The following MEF2C variants were observed in gnomAD, a reference collection of about 807,000 sequenced individuals.
The protein encoded by MEF2C is myocyte-specific enhancer factor 2C.
In MEF2C, 6 loss-of-function variants were observed where a neutral mutation model predicts 50.5. The observed-to-expected ratio is 0.12, with a 90% CI of 0.07 to 0.23. MEF2C has a LOEUF of 0.23. Ranked by LOEUF, MEF2C falls within the 10% of genes least tolerant of loss-of-function variation. The pLI is 1.00. For missense variants in MEF2C, 276 were observed against 605.0 expected (o/e 0.46, Z 5.70); for synonymous variants, 183 against 228.0 (o/e 0.80, Z 1.78).
chr5:88,779,977 T>C (rs181968146), intron 3 of MEF2C, among the ~76,000 whole-genome samples: 35 of 152,030 alleles, frequency 2.3e-4, no homozygotes, highest in Non-Finnish European at 4.4e-4. Context: ...AAACCCCCTC[T>C]CTACTAAAAA....
chr5:88,737,936 C>T, intron 6 of MEF2C: 3 of 985,220 alleles, frequency 3.0e-6, no homozygotes, highest in Non-Finnish European at 3.6e-6. Flanking sequence ...AGGAAAGGAA[C>T]AATGATGGCA....
chr5:88,816,960 A>G (rs540204850), intron 2 of MEF2C, among the ~76,000 whole-genome samples: 16 of 152,014 alleles, frequency 1.1e-4, no homozygotes, highest in African/African-American at 3.9e-4. Flanking sequence ...ATACTTCTTG[A>G]TTAACAAGTA....
At chr5:88,899,596 TTAACTC>T (rs1306561115) in intron 1 of MEF2C, among the ~76,000 whole-genome samples, 7 of 152,150 alleles carry the variant, frequency 4.6e-5, no homozygotes, top group African/African-American at 1.2e-4. Flanking sequence ...AGAACACTCT[TTAACTC>T]TAATGAGGAA....
At chr5:88,733,969 A>G in intron 6 of MEF2C, 20 of 985,344 alleles carry the variant, frequency 2.0e-5, no homozygotes, top group Non-Finnish European at 2.3e-5. Flanking sequence ...GTAAATTCGA[A>G]CAGTATTCCA....
At chr5:88,733,171 C>G (rs1453223595) in intron 6 of MEF2C, 4 of 985,016 alleles carry the variant, frequency 4.1e-6, no homozygotes, top group Non-Finnish European at 4.8e-6. Flanking sequence ...ACAGAAGAGG[C>G]AGGAATTGAT....
At chr5:88,846,171 G>A (rs867213793) in intron 1 of MEF2C, among the ~76,000 whole-genome samples, 15 of 151,390 alleles carry the variant, frequency 9.9e-5, no homozygotes, top group African/African-American at 2.2e-4. Context: ...GGGTTCATGC[G>A]ATTCTCCTTG....
intron 6 of MEF2C, chr5:88,744,217 T>C (rs1259951123): frequency 4.7e-6 from 4 of 859,658 alleles, no homozygotes; most frequent in South Asian, 1.1e-4. Flanking sequence ...ACAACCGAAC[T>C]TGATCTTACC....
At chr5:88,872,399 A>G (rs1561434846) in intron 1 of MEF2C, among the ~76,000 whole-genome samples, 1 of 151,988 alleles carries the variant, frequency 6.6e-6, no homozygotes, top group Non-Finnish European at 1.5e-5. Context: ...AATAACATCA[A>G]ATCTGTGAAA....
rs147934228 is a variant in MEF2C, at chr5:88,740,764, T to A, written c.637+8306A>T. 82 of 985,384 alleles carry A rather than the reference T, an allele frequency of 8.3e-5. No homozygotes were observed. The Middle Eastern group carries it at 1.6e-3, about 19-fold the overall frequency. 61.0% of individuals were successfully genotyped at this position (985,384 alleles called of 1,614,324 possible). On this transcript the variant is annotated intron_variant, in intron 6 of 10. Transcript: ENST00000504921. Reference sequence around the variant, plus strand: ...TTTAATTGCACCATAAAAATGCTATTGAACCACACTATCTTTAAAAAATTC... The same window carrying A: ...TTTAATTGCACCATAAAAATGCTATAGAACCACACTATCTTTAAAAAATTC...
In MEF2C at chr5:88,719,140, TG is replaced by T. The variant is rs1226864527; in HGVS notation, c.*3463del. On this transcript the variant is annotated 3_prime_UTR_variant, in exon 11 of 11. Transcript: ENST00000504921. Reference sequence around the variant, plus strand: ...CTATCTCTAAGTTAAAAGATGGGTATGTAAGAAAAACAAATCCATAAAAGTG... The same window carrying T: ...CTATCTCTAAGTTAAAAGATGGGTATTAAGAAAAACAAATCCATAAAAGTG... The T allele has an allele frequency of 6.6e-6, 1 of 152,208 alleles. No individual in the cohort carries two copies. Among genetic ancestry groups the T allele is most frequent in the African/African-American group, 2.4e-5 (1 of 41,446 alleles). 9.4% of individuals were successfully genotyped at this position (152,208 alleles called of 1,614,324 possible).
chr5:88,797,336 T>C lies in MEF2C; in HGVS notation c.258+7262A>G, dbSNP rs184276814. Among the ~76,000 whole-genome samples the C allele has an allele frequency of 6.3e-4, 96 of 152,268 alleles. No homozygotes were observed. The East Asian group carries it at 0.016, about 25-fold the overall frequency. On this transcript the variant is annotated intron_variant, in intron 3 of 10. Coordinates refer to ENST00000504921, the MANE Select transcript of MEF2C (RefSeq NM_002397.5). ...GTATTGGGTGCCTATATATTTAAGATAGTTAGCTCTTCTTGTTGCATTGAT... is the reference window on the plus strand; with the variant it reads ...GTATTGGGTGCCTATATATTTAAGACAGTTAGCTCTTCTTGTTGCATTGAT...
intron 2 of MEF2C, chr5:88,819,266 A>C: frequency 1.2e-6 from 1 of 838,378 alleles, no homozygotes; most frequent in Non-Finnish European, 1.4e-6. Context: ...GCATCATGAC[A>C]TAATTTTAAA....
At chr5:88,758,625 A>G (rs369465357) in intron 4 of MEF2C, among the ~76,000 whole-genome samples, 3 of 152,232 alleles carry the variant, frequency 2.0e-5, no homozygotes, top group African/African-American at 7.2e-5. Context: ...GCCCTGCTGT[A>G]AATGTTTTAG....
chr5:88,857,380 C>T (rs1416024431), intron 1 of MEF2C, among the ~76,000 whole-genome samples: 2 of 152,132 alleles, frequency 1.3e-5, no homozygotes, highest in Non-Finnish European at 2.9e-5. Context: ...AAGGGACTTG[C>T]CGTGTCTCAG....
Position 88,734,588 on chromosome 5 carries a change from T to A in MEF2C, c.638-2687A>T, listed in dbSNP as rs1311939209. 3.1e-6 allele frequency: 3 copies of A among 973,972 alleles called. No individual in the cohort carries two copies. In the Admixed American group the frequency reaches 1.9e-4, roughly 63 times the overall value. The allele number at this position is 973,972 out of a possible 1,614,324, so 60.3% of individuals were successfully genotyped here. On this transcript the variant is annotated intron_variant, in intron 6 of 10. Transcript: ENST00000504921. The stretch of plus-strand genomic sequence containing the variant: ...TTGTTTTTTTTTTTTTTTTTTTTTT[T>A]TTTTTTTTTTAGCATTTTCTACAGT...
chr5:88,869,289 A>ATG (rs1828643100), intron 1 of MEF2C, among the ~76,000 whole-genome samples: 2 of 59,004 alleles, frequency 3.4e-5, no homozygotes, highest in South Asian at 9.4e-4. Context: ...ATATATATAT[A>ATG]TATATACACA....
chr5:88,783,853 C>T (rs1466426961), intron 3 of MEF2C, among the ~76,000 whole-genome samples: 2 of 152,116 alleles, frequency 1.3e-5, no homozygotes, highest in Admixed American at 6.5e-5. Context: ...AGGTCACAGA[C>T]AATGTCTTCC....
At chr5:88,834,142 G>C (rs1318313760) in intron 1 of MEF2C, among the ~76,000 whole-genome samples, 1 of 152,122 alleles carries the variant, frequency 6.6e-6, no homozygotes, top group Non-Finnish European at 1.5e-5. Context: ...TTCTCTCAGG[G>C]TGGTGGGCAG....
intron 1 of MEF2C, among the ~76,000 whole-genome samples, chr5:88,841,324 T>C (rs948523497): frequency 6.6e-6 from 1 of 151,990 alleles, no homozygotes; most frequent in Admixed American, 6.6e-5. Context: ...CTGGGCAACA[T>C]GGTGAGACCC....
Sources: allele counts gnomAD v4.1 joint callset (sites outside exome capture counted in the v4.1 genomes callset), GRCh38; gene constraint gnomAD v4.1.1; transcripts MANE v1.5; gene names NCBI Gene and HGNC (gene_info 2026-07-23, HGNC 2026-07-21).